The following ZDHHC14 variants were observed in gnomAD, a reference collection of about 807,000 sequenced individuals.
The protein encoded by ZDHHC14 is palmitoyltransferase ZDHHC14.
In ZDHHC14, 16 loss-of-function variants were observed where a neutral mutation model predicts 47.7. The ratio of observed to expected loss-of-function variants is 0.34; its 90% CI spans 0.23 to 0.51. The LOEUF (loss-of-function observed/expected upper bound fraction) is 0.51, where lower values mean the gene tolerates loss of function less well. Ranked by LOEUF, ZDHHC14 falls within the 20% of genes least tolerant of loss-of-function variation. The pLI is 0.97. For missense variants in ZDHHC14, 515 were observed against 662.5 expected (o/e 0.78, Z 2.44); for synonymous variants, 293 against 278.9 (o/e 1.05, Z -0.50).
At chr6:157,402,428 G>T (rs931606248) in intron 1 of ZDHHC14, among the ~76,000 whole-genome samples, 5 of 151,820 alleles carry the variant, frequency 3.3e-5, no homozygotes, top group African/African-American at 4.8e-5. Context: ...ATCTGCTGAG[G>T]TCACAACTGC....
At chr6:157,447,594 A>G (rs1778708129) in intron 1 of ZDHHC14, among the ~76,000 whole-genome samples, 1 of 152,154 alleles carries the variant, frequency 6.6e-6, no homozygotes, top group African/African-American at 2.4e-5. Flanking sequence ...AGGGGTGGAA[A>G]AGAAGCCAAG....
At chr6:157,575,561 T>C (rs2163291) in intron 2 of ZDHHC14, among the ~76,000 whole-genome samples, 8,168 of 152,188 alleles carry the variant, frequency 0.054, 267 homozygotes, top group Admixed American at 0.071. Context: ...GGACACAAGC[T>C]GCCCCCTGTG....
At chr6:157,624,563 C>T (rs1785326950) in intron 3 of ZDHHC14, among the ~76,000 whole-genome samples, 1 of 152,196 alleles carries the variant, frequency 6.6e-6, no homozygotes, top group African/African-American at 2.4e-5. Flanking sequence ...ATTCCGAGCA[C>T]CTGATACAGT....
Position 157,382,122 on chromosome 6 carries a change from T to C in ZDHHC14, c.101T>C (p.Ile34Thr). The change falls in exon 1 of 9, where the codon ATC (isoleucine) becomes ACC (threonine). Residue 34 changes from isoleucine to threonine, a missense_variant. Around this residue, in one of 4 missense-constraint regions of ZDHHC14, gnomAD observed 59 missense variants for 57.7 expected, o/e 1.02. Coordinates refer to ENST00000359775, the MANE Select transcript of ZDHHC14 (RefSeq NM_024630.3). ...GAGTCGCCCCACAAGAAGAAGAAAA[T>C]CGCGGCCCGGAGGAAATGGGAGGTG... is the stretch of plus-strand genomic sequence containing the variant. Reference protein sequence around the residue: ...PMESPHKKKKIAARRKWEVFP... With the variant: ...PMESPHKKKKTAARRKWEVFP... 6.2e-7 allele frequency: 1 copy of C among 1,612,172 alleles called. No individual in the cohort carries two copies. Among genetic ancestry groups the C allele is most frequent in the South Asian group, 1.1e-5 (1 of 90,938 alleles).
In ZDHHC14 at chr6:157,579,267, G is replaced by A. The variant is rs572578766; in HGVS notation, c.407-13721G>A. Among the ~76,000 whole-genome samples, 21 of 126,942 alleles carry A rather than the reference G, an allele frequency of 1.7e-4. No homozygotes were observed. In the South Asian group the frequency reaches 4.6e-3, roughly 28 times the overall value. The allele number at this position is 126,942 out of a possible 152,430, so 83.3% of individuals were successfully genotyped here. ...GGCTGGAGTGCAGTGGCGCGATCTC[G>A]GCTCACTGCAAGCTCTGCCTCCCGG... On this transcript the variant is annotated intron_variant, in intron 2 of 8. Coordinates refer to ENST00000359775, the MANE Select transcript of ZDHHC14 (RefSeq NM_024630.3).
chr6:157,463,273 A>C lies in ZDHHC14; in HGVS notation c.246-79312A>C, dbSNP rs1779137326. Among the ~76,000 whole-genome samples, 1 of 151,934 alleles carries C rather than the reference A, an allele frequency of 6.6e-6. No homozygotes were observed. The highest frequency in any genetic ancestry group is 2.4e-5 in the African/African-American group (1 of 41,430). ...TTGGAACATGGCATAGAACAATTGA[A>C]ATTGGTTTTTCAATAGAAACAATTG... On this transcript the variant is annotated intron_variant, in intron 1 of 8. Transcript: ENST00000359775. The surrounding 1 kb of genome is among the most constrained non-coding windows in gnomAD (Gnocchi z 4.4).
chr6:157,654,765 T>C (rs1029769702), intron 8 of ZDHHC14, among the ~76,000 whole-genome samples: 1 of 151,648 alleles, frequency 6.6e-6, no homozygotes, highest in Non-Finnish European at 1.5e-5. Context: ...AGACAGAGTC[T>C]TGCTCTGTCG....
At chr6:157,579,587 G>A (rs747066648) in intron 2 of ZDHHC14, among the ~76,000 whole-genome samples, 25 of 152,038 alleles carry the variant, frequency 1.6e-4, no homozygotes, top group African/African-American at 5.1e-4. Context: ...AACTCTTATC[G>A]TAGAAATCTT....
intron 1 of ZDHHC14, among the ~76,000 whole-genome samples, chr6:157,541,526 C>A (rs947617095): frequency 6.6e-6 from 1 of 152,188 alleles, no homozygotes; most frequent in Admixed American, 6.5e-5. Context: ...GTCTTGAGAA[C>A]ATAGAAGAGA....
chr6:157,395,042 C>T (rs559415405), intron 1 of ZDHHC14, among the ~76,000 whole-genome samples: 2 of 150,374 alleles, frequency 1.3e-5, no homozygotes, highest in East Asian at 1.9e-4. Context: ...TTGGCAGAAG[C>T]GGCCCTTCAT....
At chr6:157,657,543 C>T (rs1652538) in intron 8 of ZDHHC14, among the ~76,000 whole-genome samples, 56,854 of 151,974 alleles carry the variant, frequency 0.37, 10,911 homozygotes, top group Non-Finnish European at 0.42. Context: ...GATATGTGCA[C>T]GAAATCTCAG....
intron 1 of ZDHHC14, among the ~76,000 whole-genome samples, chr6:157,522,853 C>A (rs1265949342): frequency 2.0e-5 from 1 of 48,952 alleles, no homozygotes; most frequent in Middle Eastern, 0.011. Flanking sequence ...TCCTTCCTTT[C>A]CTCCCTTCTT....
chr6:157,527,260 G>A (rs1037491042), intron 1 of ZDHHC14, among the ~76,000 whole-genome samples: 7 of 152,244 alleles, frequency 4.6e-5, no homozygotes, highest in Admixed American at 2.0e-4. Context: ...CCAGACTTGG[G>A]CACCTCCCAT....
At chr6:157,485,165 C>T (rs2114720964) in intron 1 of ZDHHC14, among the ~76,000 whole-genome samples, 1 of 152,152 alleles carries the variant, frequency 6.6e-6, no homozygotes, top group African/African-American at 2.4e-5. Flanking sequence ...ACTCTTGGAC[C>T]TAGACATGAA....
intron 7 of ZDHHC14, among the ~76,000 whole-genome samples, chr6:157,648,993 C>T (rs1036987082): frequency 1.1e-4 from 17 of 152,192 alleles, no homozygotes; most frequent in African/African-American, 3.4e-4. Context: ...GCATATGGCA[C>T]GGCTTTATGT....
chr6:157,584,782 G>A (rs1783628717), intron 2 of ZDHHC14, among the ~76,000 whole-genome samples: 1 of 152,190 alleles, frequency 6.6e-6, no homozygotes, highest in South Asian at 2.1e-4. Context: ...GGTAACACTA[G>A]ATGTAAGTGC....
chr6:157,598,538 G>A (rs1028940464), intron 3 of ZDHHC14, among the ~76,000 whole-genome samples: 4 of 152,120 alleles, frequency 2.6e-5, no homozygotes, highest in Non-Finnish European at 4.4e-5. Flanking sequence ...AGACAGTATT[G>A]TATTTATCAT....
chr6:157,566,392 G>A (rs1490640708), intron 2 of ZDHHC14, among the ~76,000 whole-genome samples: 1 of 152,172 alleles, frequency 6.6e-6, no homozygotes, highest in Non-Finnish European at 1.5e-5. Flanking sequence ...ATGTTTTTCA[G>A]TTCCCCAGAG....
chr6:157,666,012 T>C (rs1327672465), intron 8 of ZDHHC14, among the ~76,000 whole-genome samples: 1 of 152,226 alleles, frequency 6.6e-6, no homozygotes, highest in Non-Finnish European at 1.5e-5. Flanking sequence ...CTTCCCTCAT[T>C]ATTGGCTTTT....
Sources: gnomAD v4.1 joint callset for allele counts (sites outside exome capture counted in the v4.1 genomes callset) on GRCh38, gnomAD v4.1.1 for gene constraint, gnomAD v4.1.1 regional missense constraint, Gnocchi (gnomAD v3.1) non-coding constraint, MANE v1.5 for transcripts, NCBI Gene and HGNC (gene_info 2026-07-23, HGNC 2026-07-21) for gene names.